ADPRHL1: variants seen among roughly 807,000 people sequenced by gnomAD.
The protein encoded by ADPRHL1 is ADP-ribosylhydrolase like 1, also known as inactive ADP-ribosyltransferase ARH2.
ADPRHL1 carries 43 observed loss-of-function variants against 44.1 expected under a neutral mutation model. The ratio of observed to expected loss-of-function variants is 0.98; its 90% CI spans 0.76 to 1.26. The LOEUF (loss-of-function observed/expected upper bound fraction) is 1.26. Among genes scored for constraint, ADPRHL1 ranks in the 50% most tolerant of loss-of-function variants. ADPRHL1 has a pLI of 0.00. For synonymous variants in ADPRHL1, 878 were observed against 1,017.4 expected, an observed-to-expected ratio of 0.86 and a Z score of 2.61; for missense variants, 2,022 against 2,496.9, an observed-to-expected ratio of 0.81 and a Z score of 4.05.
At chr13:113,419,074 CCTTCCTT>C (rs2043902378) in intron 7 of ADPRHL1, among the ~76,000 whole-genome samples, 3 of 74,066 alleles carry the variant, frequency 4.1e-5, no homozygotes, top group Non-Finnish European at 5.2e-5. Flanking sequence ...TTCACTCCCT[CCTTCCTT>C]CCTTCTTCCC....
intron 2 of ADPRHL1, 135 bp downstream of exon 2, chr13:113,444,290 G>A (rs940392084): frequency 1.5e-5 from 19 of 1,274,890 alleles, no homozygotes; most frequent in East Asian, 2.3e-5. Context: ...GCCCCCACCC[G>A]ACAAAGGGAC....
Position 113,411,787 on chromosome 13 carries a change from C to T in ADPRHL1, c.1062-3567G>A, listed in dbSNP as rs527851864. 5.3e-5 allele frequency among the ~76,000 whole-genome samples: 8 copies of T among 152,324 alleles called. No homozygotes were observed. The South Asian group carries it at 1.2e-3, about 24-fold the overall frequency. On this transcript the variant is annotated intron_variant, in intron 7 of 7. Transcript: ENST00000612156. Reference sequence around the variant, plus strand: ...CCGCGGTTCAGGATGACGCCCTTGGCGGGAGCGAGAGGGGTTTCCACAGCC... The same window carrying T: ...CCGCGGTTCAGGATGACGCCCTTGGTGGGAGCGAGAGGGGTTTCCACAGCC...
intron 7 of ADPRHL1, among the ~76,000 whole-genome samples, chr13:113,413,457 C>T (rs1469299176): frequency 6.6e-6 from 1 of 152,238 alleles, no homozygotes; most frequent in Non-Finnish European, 1.5e-5. Context: ...AGGAACGCCC[C>T]CAAGTCATGG....
chr13:113,438,022 G>A (rs190857993), intron 2 of ADPRHL1, among the ~76,000 whole-genome samples: 4 of 152,176 alleles, frequency 2.6e-5, no homozygotes, highest in Admixed American at 2.0e-4. Context: ...GCAGAGATGA[G>A]GTTTCACCTT....
chr13:113,439,893 C>T (rs2044085947), intron 2 of ADPRHL1, among the ~76,000 whole-genome samples: 1 of 152,116 alleles, frequency 6.6e-6, no homozygotes, highest in African/African-American at 2.4e-5. Context: ...ATAATATTCC[C>T]TTATTTTCCT....
intron 3 of ADPRHL1, 34 bp downstream of exon 3, chr13:113,433,708 G>A: frequency 3.2e-6 from 5 of 1,554,130 alleles, no homozygotes; most frequent in East Asian, 2.4e-5. Context: ...CGCACTCCAC[G>A]CTGACCTCCC....
chr13:113,435,442 A>C, intron 2 of ADPRHL1, among the ~76,000 whole-genome samples: 1 of 130,856 alleles, frequency 7.6e-6, no homozygotes. Flanking sequence ...CCCAGCACCC[A>C]GGTGTAGAGT....
At chr13:113,416,003 C>G (rs903366686) in intron 7 of ADPRHL1, among the ~76,000 whole-genome samples, 1 of 151,892 alleles carries the variant, frequency 6.6e-6, no homozygotes, top group South Asian at 2.1e-4. Flanking sequence ...GCCAGGGGCC[C>G]GGCTGGGATC....
chr13:113,437,028 C>T (rs1213033648), intron 2 of ADPRHL1, among the ~76,000 whole-genome samples: 14 of 146,722 alleles, frequency 9.5e-5, no homozygotes, highest in South Asian at 2.2e-4. Flanking sequence ...TACCCTGGGA[C>T]TCGGCACCCA....
intron 1 of ADPRHL1, among the ~76,000 whole-genome samples, chr13:113,451,803 G>A (rs541983287): frequency 6.8e-5 from 10 of 147,808 alleles, no homozygotes; most frequent in African/African-American, 1.6e-4. Flanking sequence ...GAAAGACTCC[G>A]TCTCAAAAAA....
In ADPRHL1 at chr13:113,444,400, G is replaced by C. The variant is rs112656573; in HGVS notation, c.379+25C>G. The C allele has an allele frequency of 3.2e-4, 516 of 1,609,946 alleles. 4 individuals are homozygous for C. In the African/African-American group the frequency reaches 6.1e-3, roughly 19 times the overall value. ...AGGGTCCCCAGCAGGGTGGCTTTAG[G>C]GGGAGAGGAGAGGATTTCCCTGACC... is the stretch of plus-strand genomic sequence containing the variant. On this transcript the variant is annotated intron_variant, in intron 2 of 7. Transcript: ENST00000612156.
chr13:113,433,187 C>T (rs1438900945), intron 3 of ADPRHL1, among the ~76,000 whole-genome samples: 1 of 152,196 alleles, frequency 6.6e-6, no homozygotes, highest in African/African-American at 2.4e-5. Context: ...ACCTGTGGCC[C>T]GTGGGGTGGA....
chr13:113,409,247 A>G lies in ADPRHL1; in HGVS notation c.1062-1027T>C. The stretch of plus-strand genomic sequence containing the variant: ...TCTGCTCCTGAGCAGCCGTGACCAC[A>G]GGAGCAAAGCTGGAAGGTCTCCCCA... On this transcript the variant is annotated intron_variant, in intron 7 of 7. Transcript: ENST00000612156. The surrounding 1 kb of genome is among the most constrained non-coding windows in gnomAD (Gnocchi z 4.2). 1 of 973,668 alleles carries G rather than the reference A, an allele frequency of 1.0e-6. No homozygotes were observed. Among genetic ancestry groups the G allele is most frequent in the Non-Finnish European group, 1.2e-6 (1 of 819,248 alleles). 60.3% of individuals were successfully genotyped at this position (973,668 alleles called of 1,614,324 possible). A position where few individuals can be genotyped will look rare whatever the true frequency, so the allele number is the denominator to read the frequency against.
intron 3 of ADPRHL1, among the ~76,000 whole-genome samples, chr13:113,430,236 GA>G (rs1388194381): frequency 6.6e-6 from 1 of 152,222 alleles, no homozygotes; most frequent in African/African-American, 2.4e-5. Flanking sequence ...GAATTACGAT[GA>G]TCCTGGCCAT....
Position 113,403,953 on chromosome 13 carries a change from G to C in ADPRHL1, c.5329C>G (p.Arg1777Gly). The change falls in exon 8 of 8, where the codon CGG becomes GGG. Residue 1777 changes from arginine (R) to glycine (G), a missense_variant. By Grantham distance (125) the Arg-to-Gly change is moderately radical. Transcript: ENST00000612156. ...GAQEWARDRARDQGWEQTQIE... is the reference protein window; with the variant it reads ...GAQEWARDRAGDQGWEQTQIE... ...TGGGTCTGCTCCCAGCCCTGATCCC[G>C]AGCCCGATCCCGAGCCCATTCCTGA... The C allele has an allele frequency of 1.5e-6, 2 of 1,306,908 alleles. No individual in the cohort carries two copies. The highest frequency in any genetic ancestry group is 1.9e-6 in the Non-Finnish European group (2 of 1,037,426). The allele number at this position is 1,306,908 out of a possible 1,614,324, so 81.0% of individuals were successfully genotyped here.
intron 3 of ADPRHL1, among the ~76,000 whole-genome samples, chr13:113,433,010 G>A (rs2044017912): frequency 6.6e-6 from 1 of 152,174 alleles, no homozygotes; most frequent in African/African-American, 2.4e-5. Flanking sequence ...CCACAGGACG[G>A]GCTGCGGACG....
At position 113,404,884 on chromosome 13, in the gene ADPRHL1, G is replaced by A. The variant is rs2043795187; in HGVS notation, c.4398C>T (p.Ala1466=). Residue 1466 remains alanine, a synonymous_variant, in exon 8 of 8, where the codon GCC becomes GCT. Coordinates refer to ENST00000612156, the MANE Select transcript of ADPRHL1 (RefSeq NM_001394807.1). ...CCCCTGGAGGCACAGCTGGGTTCCT[G>A]GCAGCCCTGGTGCCCTCTCCCCACG... is the stretch of plus-strand genomic sequence containing the variant. ...STAWGEGTRA[A]RNPAVPPGEP... 2 of 1,246,848 alleles carry A rather than the reference G, an allele frequency of 1.6e-6. No individual in the cohort carries two copies. The highest frequency in any genetic ancestry group is 2.0e-6 in the Non-Finnish European group (2 of 998,034). 77.2% of individuals were successfully genotyped at this position (1,246,848 alleles called of 1,614,324 possible). A position where few individuals can be genotyped will look rare whatever the true frequency, so the allele number is the denominator to read the frequency against.
intron 2 of ADPRHL1, among the ~76,000 whole-genome samples, chr13:113,442,315 C>T (rs572162266): frequency 5.5e-4 from 83 of 152,288 alleles, no homozygotes; most frequent in African/African-American, 1.9e-3. Flanking sequence ...AACAGGCAAG[C>T]GTGTTGGCAC....
chr13:113,425,409 TC>T (rs2043961112), intron 4 of ADPRHL1, among the ~76,000 whole-genome samples: 1 of 152,250 alleles, frequency 6.6e-6, no homozygotes, highest in Admixed American at 6.5e-5. Context: ...TTTCTTTCTT[TC>T]TTTTTTTCCT....
Sources: gnomAD v4.1 joint callset for allele counts (sites outside exome capture counted in the v4.1 genomes callset) on GRCh38, gnomAD v4.1.1 for gene constraint, Gnocchi (gnomAD v3.1) non-coding constraint, MANE v1.5 for transcripts, NCBI Gene and HGNC (gene_info 2026-07-23, HGNC 2026-07-21) for gene names.